DTL: variants seen among roughly 807,000 people sequenced by gnomAD.
DTL encodes the protein denticleless E3 ubiquitin protein ligase adapter, also known as denticleless protein homolog.
In DTL, 46 loss-of-function variants were observed where a neutral mutation model predicts 87.0. The ratio of observed to expected loss-of-function variants is 0.53; its 90% confidence interval spans 0.42 to 0.68. The LOEUF is 0.68. Among genes scored for constraint, DTL ranks in the 30% least tolerant of loss-of-function variants. The probability of loss-of-function intolerance (pLI) is 0.00; values close to 1 mark genes in which losing one functional copy is unlikely to be tolerated. For synonymous variants in DTL, 308 were observed against 311.2 expected (o/e 0.99, Z 0.11); for missense variants, 737 against 869.4 (o/e 0.85, Z 1.91).
chr1:212,065,981 C>T lies in DTL; in HGVS notation c.640-831C>T, dbSNP rs1654486065. 2.6e-5 allele frequency among the ~76,000 whole-genome samples: 4 copies of T among 152,128 alleles called. No homozygotes were observed. In the South Asian group the frequency reaches 8.3e-4, roughly 32 times the overall value. On this transcript the variant is annotated intron_variant, in intron 7 of 14. Coordinates refer to ENST00000366991, the MANE Select transcript of DTL (RefSeq NM_016448.4). ...TGCTGGGATTACCGATGTGAGCCACCACGCCTGGCCAGCTTATTTTTAAGC... is the reference window on the plus strand; with the variant it reads ...TGCTGGGATTACCGATGTGAGCCACTACGCCTGGCCAGCTTATTTTTAAGC...
At chr1:212,069,690 C>T (rs1376307015) in intron 10 of DTL, among the ~76,000 whole-genome samples, 4 of 152,002 alleles carry the variant, frequency 2.6e-5, no homozygotes, top group South Asian at 4.2e-4. Context: ...GGATTACAGG[C>T]GCCCGCCACC....
intron 13 of DTL, among the ~76,000 whole-genome samples, chr1:212,092,373 A>C (rs905132350): frequency 2.8e-4 from 43 of 152,098 alleles, no homozygotes; most frequent in African/African-American, 1.0e-3. Flanking sequence ...CCCTCTACTA[A>C]AAATACAAAA....
intron 13 of DTL, among the ~76,000 whole-genome samples, chr1:212,087,904 G>GT (rs1276629475): frequency 2.0e-5 from 3 of 152,168 alleles, no homozygotes; most frequent in African/African-American, 7.2e-5. Context: ...AATTGGAAGG[G>GT]TTTAAGTGCT....
At chr1:212,050,377 T>C (rs935956208) in intron 5 of DTL, among the ~76,000 whole-genome samples, 1 of 152,150 alleles carries the variant, frequency 6.6e-6, no homozygotes, top group Non-Finnish European at 1.5e-5. Context: ...ATCTACCAAC[T>C]AAAAGCAAAG....
chr1:212,066,972 G>T, intron 8 of DTL, 87 bp downstream of exon 8: 2 of 1,145,742 alleles, frequency 1.7e-6, no homozygotes. Flanking sequence ...ATAATTGAAT[G>T]TGTGTGCTTT....
In DTL at chr1:212,043,789, C is replaced by G. The variant is rs2993548; in HGVS notation, c.178+671C>G. ...AGGTTGCAGTGAGCCAAGATCGTGC[C>G]ATTGCATTCTAGCCTGGGTGACAGT... On this transcript the variant is annotated intron_variant, in intron 2 of 14. Transcript: ENST00000366991. Among the ~76,000 whole-genome samples the G allele has an allele frequency of 9.6e-3, 1,372 of 143,250 alleles. 10 individuals carry two copies. Among genetic ancestry groups the G allele is most frequent in the Non-Finnish European group, 0.015 (978 of 66,762 alleles). 94.0% of individuals were successfully genotyped at this position (143,250 alleles called of 152,430 possible).
intron 11 of DTL, 42 bp from the exon 12 acceptor site, chr1:212,078,131 C>A (rs1388240109): frequency 2.4e-6 from 3 of 1,237,612 alleles, no homozygotes; most frequent in Non-Finnish European, 3.6e-6. Flanking sequence ...TCTGGGAAAT[C>A]TAATATTGCT....
At chr1:212,090,267 A>G (rs562044575) in intron 13 of DTL, among the ~76,000 whole-genome samples, 1 of 152,338 alleles carries the variant, frequency 6.6e-6, no homozygotes, top group East Asian at 1.9e-4. Context: ...CTCTCTCTCA[A>G]GGCAAGACTG....
intron 5 of DTL, among the ~76,000 whole-genome samples, chr1:212,055,286 C>A (rs1668135631): frequency 6.6e-6 from 1 of 151,988 alleles, no homozygotes; most frequent in Non-Finnish European, 1.5e-5. Context: ...CCACTGTGAA[C>A]CCTAATAATA....
chr1:212,041,184 A>T (rs1667630832), intron 1 of DTL, among the ~76,000 whole-genome samples: 1 of 152,174 alleles, frequency 6.6e-6, no homozygotes, highest in Admixed American at 6.5e-5. Context: ...TGAAGTGTGT[A>T]TTGCAGGGAT....
intron 5 of DTL, among the ~76,000 whole-genome samples, chr1:212,050,233 A>T (rs896781533): frequency 6.6e-6 from 1 of 152,124 alleles, no homozygotes; most frequent in Non-Finnish European, 1.5e-5. Flanking sequence ...ATAAATACTT[A>T]GTGTTTTGTG....
intron 10 of DTL, among the ~76,000 whole-genome samples, chr1:212,069,691 G>A (rs541318527): frequency 2.4e-4 from 37 of 151,876 alleles, no homozygotes; most frequent in Admixed American, 5.9e-4. Flanking sequence ...GATTACAGGC[G>A]CCCGCCACCA....
At chr1:212,046,633 T>C (rs558951345) in intron 3 of DTL, among the ~76,000 whole-genome samples, 2 of 152,252 alleles carry the variant, frequency 1.3e-5, no homozygotes, top group African/African-American at 2.4e-5. Context: ...ATTCCTCTTA[T>C]GGCTGCATTG....
intron 13 of DTL, among the ~76,000 whole-genome samples, chr1:212,092,833 GAATCTCT>G (rs1454454611): frequency 6.6e-6 from 1 of 152,116 alleles, no homozygotes; most frequent in African/African-American, 2.4e-5. Flanking sequence ...GTTCTTTACA[GAATCTCT>G]GTACTGTTTT....
chr1:212,064,388 T>A (rs1654430869), intron 6 of DTL, among the ~76,000 whole-genome samples: 1 of 152,206 alleles, frequency 6.6e-6, no homozygotes. Flanking sequence ...TCAGAGTTTA[T>A]AATTTACATC....
At chr1:212,035,989 C>G in intron 1 of DTL, 47 bp downstream of exon 1, 2 of 1,588,846 alleles carry the variant, frequency 1.3e-6, no homozygotes, top group Non-Finnish European at 1.7e-6. Flanking sequence ...GAATTCATTT[C>G]CCCCGAAACA....
chr1:212,102,735 C>A, intron 14 of DTL, 107 bp from the exon 15 acceptor site: 1 of 731,280 alleles, frequency 1.4e-6, no homozygotes, highest in South Asian at 1.8e-5. Flanking sequence ...TGAAAGCAGG[C>A]TAAACAATGA....
chr1:212,095,830 G>A (rs928068631), intron 13 of DTL, among the ~76,000 whole-genome samples: 8 of 152,154 alleles, frequency 5.3e-5, no homozygotes, highest in South Asian at 2.1e-4. Context: ...TTGGTCTGTA[G>A]TTTTCTTTTT....
chr1:212,076,460 G>A (rs145384286), intron 11 of DTL, among the ~76,000 whole-genome samples: 1 of 152,042 alleles, frequency 6.6e-6, no homozygotes, highest in Admixed American at 6.5e-5. Context: ...GGTATTTAGG[G>A]GGTTTTTTGA....
Sources: allele counts gnomAD v4.1 joint callset (sites outside exome capture counted in the v4.1 genomes callset), GRCh38; gene constraint gnomAD v4.1.1; transcripts MANE v1.5; gene names NCBI Gene and HGNC (gene_info 2026-07-23, HGNC 2026-07-21).